The following FNDC3B variants were observed in gnomAD, a reference collection of about 807,000 sequenced individuals.
FNDC3B encodes the protein fibronectin type III domain containing 3B.
A neutral mutation model predicts 151.5 loss-of-function variants in FNDC3B; 12 were observed. That is an observed-to-expected ratio of 0.08 (90% CI 0.05 to 0.13). The LOEUF (loss-of-function observed/expected upper bound fraction) is 0.13, where lower values mean the gene tolerates loss of function less well. Among genes scored for constraint, FNDC3B ranks in the 10% least tolerant of loss-of-function variants. The pLI, the probability that FNDC3B is intolerant of heterozygous loss-of-function variation, is 1.00. For missense variants in FNDC3B, 1,214 were observed against 1,505.3 expected (o/e 0.81, Z 3.20); for synonymous variants, 528 against 549.0 (o/e 0.96, Z 0.54).
In FNDC3B at chr3:172,103,338, T is replaced by C. The variant is rs187279737; in HGVS notation, c.-28-9114T>C. Among the ~76,000 whole-genome samples, 84 of 152,282 alleles carry C rather than the reference T, an allele frequency of 5.5e-4. 1 individual carries two copies. Among genetic ancestry groups the C allele is most frequent in the East Asian group, 1.5e-3 (8 of 5,186 alleles). On this transcript the variant is annotated intron_variant, in intron 1 of 25. Coordinates refer to ENST00000415807, the MANE Select transcript of FNDC3B (RefSeq NM_022763.4). ...AAATTTGGGGTATGTCGGGCTGCTATGGAAGCAACCTCTTTATATTAATAG... is the reference window on the plus strand; with the variant it reads ...AAATTTGGGGTATGTCGGGCTGCTACGGAAGCAACCTCTTTATATTAATAG...
chr3:172,209,988 GT>G (rs1725648524), intron 3 of FNDC3B, among the ~76,000 whole-genome samples: 1 of 152,222 alleles, frequency 6.6e-6, no homozygotes, highest in Non-Finnish European at 1.5e-5. Context: ...AGCCACAACT[GT>G]TTTCCGACTG....
intron 3 of FNDC3B, among the ~76,000 whole-genome samples, chr3:172,206,267 G>A: frequency 6.6e-6 from 1 of 152,156 alleles, no homozygotes; most frequent in Admixed American, 6.5e-5. Context: ...AGTGGAAAGG[G>A]GGTCATATGG....
intron 1 of FNDC3B, among the ~76,000 whole-genome samples, chr3:172,057,736 T>C (rs760767604): frequency 4.0e-5 from 6 of 151,366 alleles, no homozygotes; most frequent in Non-Finnish European, 8.8e-5. Flanking sequence ...CTGATGAAAA[T>C]TAAAGGTCAG....
chr3:172,374,869 C>G (rs1459042399), intron 23 of FNDC3B, among the ~76,000 whole-genome samples: 1 of 152,096 alleles, frequency 6.6e-6, no homozygotes, highest in African/African-American at 2.4e-5. Flanking sequence ...TGAGAGCCTA[C>G]CAAGTACCCA....
At position 172,314,984 on chromosome 3, in the gene FNDC3B, G is replaced by A. The variant is rs1194577359; in HGVS notation, c.1254+4103G>A. On this transcript the variant is annotated intron_variant, in intron 11 of 25. Transcript: ENST00000415807. Reference sequence around the variant, plus strand: ...TAATAGTTCTATACTAGGGTTAACTGCCTGTTATTTCTCCATTAATAACTA... The same window carrying A: ...TAATAGTTCTATACTAGGGTTAACTACCTGTTATTTCTCCATTAATAACTA... Among the ~76,000 whole-genome samples the A allele has an allele frequency of 2.0e-5, 3 of 152,202 alleles. No homozygotes were observed. The East Asian group carries it at 5.8e-4, about 29-fold the overall frequency.
chr3:172,335,171 A>T (rs565033303), intron 15 of FNDC3B, 89 bp downstream of exon 15: 187 of 1,346,246 alleles, frequency 1.4e-4, no homozygotes, highest in Non-Finnish European at 1.7e-4. Context: ...GTGACAAGCC[A>T]AAAAAATTGT....
At chr3:172,100,556 T>C (rs2108522686) in intron 1 of FNDC3B, among the ~76,000 whole-genome samples, 1 of 152,366 alleles carries the variant, frequency 6.6e-6, no homozygotes, top group East Asian at 1.9e-4. Flanking sequence ...ATATACATAC[T>C]TTATATTAAA....
intron 3 of FNDC3B, among the ~76,000 whole-genome samples, chr3:172,158,312 T>C (rs973790485): frequency 5.2e-5 from 8 of 152,384 alleles, no homozygotes; most frequent in Admixed American, 2.6e-4. Flanking sequence ...CTATCAGCCA[T>C]GTACAAGTGA....
chr3:172,053,879 G>C (rs1473851165), intron 1 of FNDC3B, among the ~76,000 whole-genome samples: 3 of 151,908 alleles, frequency 2.0e-5, no homozygotes, highest in Non-Finnish European at 4.4e-5. Flanking sequence ...CTTAAGCTTA[G>C]AATGAAAGAA....
chr3:172,114,234 G>A (rs1371635632), intron 2 of FNDC3B, among the ~76,000 whole-genome samples: 1 of 152,068 alleles, frequency 6.6e-6, no homozygotes, highest in African/African-American at 2.4e-5. Context: ...CTGTGCTCAA[G>A]TAGTTCATGG....
intron 3 of FNDC3B, among the ~76,000 whole-genome samples, chr3:172,220,253 A>T (rs1264736650): frequency 6.6e-6 from 1 of 151,918 alleles, no homozygotes; most frequent in African/African-American, 2.4e-5. Context: ...TATTTTCCTC[A>T]TGACTGATGA....
intron 22 of FNDC3B, among the ~76,000 whole-genome samples, chr3:172,362,130 C>T (rs957499824): frequency 1.3e-5 from 2 of 152,194 alleles, no homozygotes; most frequent in African/African-American, 4.8e-5. Flanking sequence ...ACAATATCTG[C>T]ATGCTTAGCT....
At chr3:172,247,452 T>TA in intron 4 of FNDC3B, 81 bp from the exon 5 acceptor site, 1 of 1,436,034 alleles carries the variant, frequency 7.0e-7, no homozygotes, top group Non-Finnish European at 9.4e-7. Context: ...AAAGTAAAAT[T>TA]AAAGTGGAAG....
Position 172,112,653 on chromosome 3 carries a change from T to G in FNDC3B, c.111+63T>G. 4 of 1,101,132 alleles carry G rather than the reference T, an allele frequency of 3.6e-6. No individual in the cohort carries two copies. The Admixed American group carries it at 6.8e-5, about 19-fold the overall frequency. The allele number at this position is 1,101,132 out of a possible 1,614,324, so 68.2% of individuals were successfully genotyped here. On this transcript the variant is annotated intron_variant, in intron 2 of 25. Transcript: ENST00000415807. ...TAAGTGGGAAACAGTAACACAGTAT[T>G]TGATTTATTTTGGGATTCAAAGGTT...
At chr3:172,085,764 C>T (rs531311805) in intron 1 of FNDC3B, among the ~76,000 whole-genome samples, 1 of 152,242 alleles carries the variant, frequency 6.6e-6, no homozygotes, top group Non-Finnish European at 1.5e-5. Context: ...GAATTAACCT[C>T]AGTGCTTTGA....
intron 4 of FNDC3B, among the ~76,000 whole-genome samples, chr3:172,243,163 T>G (rs1727586077): frequency 6.6e-6 from 1 of 152,160 alleles, no homozygotes; most frequent in Admixed American, 6.5e-5. Flanking sequence ...GCCATTCAAG[T>G]CTCTAGGGAG....
At chr3:172,112,617 G>A (rs1258809765) in intron 2 of FNDC3B, 27 bp downstream of exon 2, 1 of 1,441,334 alleles carries the variant, frequency 6.9e-7, no homozygotes, top group Non-Finnish European at 9.8e-7. Flanking sequence ...GGAAATTTAA[G>A]TCAAATTGTC....
intron 20 of FNDC3B, 116 bp from the exon 21 acceptor site, chr3:172,347,096 A>G (rs1335258560): frequency 4.6e-6 from 4 of 868,298 alleles, no homozygotes; most frequent in Non-Finnish European, 5.3e-6. Flanking sequence ...TTTTATATGT[A>G]TTTGAAATAT....
At chr3:172,077,617 T>C (rs1718077072) in intron 1 of FNDC3B, among the ~76,000 whole-genome samples, 2 of 152,226 alleles carry the variant, frequency 1.3e-5, no homozygotes, top group African/African-American at 4.8e-5. Context: ...CTCCCTTTCC[T>C]GAACAAAGAT....
Sources: allele counts gnomAD v4.1 joint callset (sites outside exome capture counted in the v4.1 genomes callset), GRCh38; gene constraint gnomAD v4.1.1; transcripts MANE v1.5; gene names NCBI Gene and HGNC (gene_info 2026-07-23, HGNC 2026-07-21).